Variants in STAT4 observed in about 807,000 individuals in gnomAD.
The protein encoded by STAT4 is signal transducer and activator of transcription 4.
In STAT4, 42 loss-of-function variants were observed where a neutral mutation model predicts 110.5. The observed-to-expected ratio is 0.38, with a 90% CI of 0.30 to 0.49. The LOEUF is 0.49. Ranked by LOEUF, STAT4 falls within the 20% of genes least tolerant of loss-of-function variation. STAT4 has a pLI of 0.95. For missense variants in STAT4, 632 were observed against 887.9 expected, an observed-to-expected ratio of 0.71 and a Z score of 3.66; for synonymous variants, 284 against 302.2, an observed-to-expected ratio of 0.94 and a Z score of 0.63.
In STAT4 at chr2:191,064,878, G is replaced by C; in HGVS notation, c.711C>G (p.Asp237Glu). ...AGGCGATTTGCTGCCGCCGCTTCCA[G>C]TCTTGCAGCTCTTCTATGAGCATGG... The part of the protein sequence containing the change: ...MNTMLIEELQ[D>E]WKRRQQIACI... Residue 237 changes from aspartate (D) to glutamate (E), a missense_variant, in exon 8 of 24, where the codon GAC (aspartate) becomes GAG (glutamate). This residue lies in a region of STAT4 where 488 missense variants were observed against 632.8 expected (regional missense o/e 0.77). Transcript: ENST00000392320. 1 of 1,613,390 alleles carries C rather than the reference G, an allele frequency of 6.2e-7. No homozygotes were observed. Among genetic ancestry groups the C allele is most frequent in the African/African-American group, 1.3e-5 (1 of 74,962 alleles).
Position 191,098,140 on chromosome 2 carries a change from T to C in STAT4, c.274-21815A>G, listed in dbSNP as rs1698058313. 2.0e-5 allele frequency among the ~76,000 whole-genome samples: 3 copies of C among 152,130 alleles called. No homozygotes were observed. In the South Asian group the frequency reaches 6.2e-4, roughly 32 times the overall value. On this transcript the variant is annotated intron_variant, in intron 3 of 23. Coordinates refer to ENST00000392320, the MANE Select transcript of STAT4 (RefSeq NM_003151.4). The stretch of plus-strand genomic sequence containing the variant: ...AGATGCTGGAGAGGATGTGGAGAAA[T>C]AGGAACACTTTTACACTGTTTGTGG...
In STAT4 at chr2:191,030,451, A is replaced by G. The variant is rs1225722200; in HGVS notation, c.2220+521T>C. 6.6e-6 allele frequency among the ~76,000 whole-genome samples: 1 copy of G among 152,244 alleles called. No homozygotes were observed. The highest frequency in any genetic ancestry group is 2.4e-5 in the African/African-American group (1 of 41,466). On this transcript the variant is annotated intron_variant, in intron 23 of 23. Coordinates refer to ENST00000392320, the MANE Select transcript of STAT4 (RefSeq NM_003151.4). This position sits in a 1 kb window ranked among gnomAD's most constrained non-coding sequence, Gnocchi z 4.4. ...ATTTCTCAAAAAGGAGAGCATTATT[A>G]TGCCATTGACTGTTATTCATATATT...
Position 191,032,882 on chromosome 2 carries a change from T to C in STAT4, c.2044+76A>G. On this transcript the variant is annotated intron_variant, in intron 21 of 23. Transcript: ENST00000392320. The surrounding 1 kb of genome is among the most constrained non-coding windows in gnomAD (Gnocchi z 4.9). The stretch of plus-strand genomic sequence containing the variant: ...AGAGTAAACAAGAAGGGGAACTTCA[T>C]TTACTTTGCTCCAATATGAGGTTAT... 1 of 1,417,144 alleles carries C rather than the reference T, an allele frequency of 7.1e-7. No homozygotes were observed. The highest frequency in any genetic ancestry group is 9.6e-7 in the Non-Finnish European group (1 of 1,041,602). 87.8% of individuals were successfully genotyped at this position (1,417,144 alleles called of 1,614,324 possible).
At chr2:191,096,287 G>A (rs1319403712) in intron 3 of STAT4, among the ~76,000 whole-genome samples, 1 of 152,176 alleles carries the variant, frequency 6.6e-6, no homozygotes, top group African/African-American at 2.4e-5. Flanking sequence ...GCATCATCCT[G>A]ATACCAAAGC....
At position 191,099,930 on chromosome 2, in the gene STAT4, T is replaced by A. The variant is rs145898122; in HGVS notation, c.274-23605A>T. Among the ~76,000 whole-genome samples the A allele has an allele frequency of 6.6e-6, 1 of 152,206 alleles. No homozygotes were observed. The highest frequency in any genetic ancestry group is 1.5e-5 in the Non-Finnish European group (1 of 68,030). ...GTTAATAGTGGTTATCTTATTTCAG[T>A]GGAATTTCAGGGGATTTTTTTTCTT... On this transcript the variant is annotated intron_variant, in intron 3 of 23. Coordinates refer to ENST00000392320, the MANE Select transcript of STAT4 (RefSeq NM_003151.4). The surrounding 1 kb of genome is among the most constrained non-coding windows in gnomAD (Gnocchi z 4.1).
Position 191,147,346 on chromosome 2 carries a change from T to C in STAT4, c.129-589A>G, listed in dbSNP as rs1699487357. Among the ~76,000 whole-genome samples, 6 of 152,144 alleles carry C rather than the reference T, an allele frequency of 3.9e-5. No homozygotes were observed. The highest frequency in any genetic ancestry group is 2.0e-4 in the Admixed American group (3 of 15,274). On this transcript the variant is annotated intron_variant, in intron 2 of 23. Transcript: ENST00000392320. This position sits in a 1 kb window ranked among gnomAD's most constrained non-coding sequence, Gnocchi z 4.1. ...TTCAAAAAGGAAGAAAATTCTGATA[T>C]GATACCTGTTAAACATGAATGAATT...
intron 3 of STAT4, among the ~76,000 whole-genome samples, chr2:191,134,328 T>G (rs553940173): frequency 1.3e-5 from 2 of 152,296 alleles, no homozygotes; most frequent in South Asian, 4.1e-4. Flanking sequence ...CCCACACACC[T>G]GCCTGGCCTA....
At chr2:191,133,359 T>C (rs949115317) in intron 3 of STAT4, among the ~76,000 whole-genome samples, 4 of 150,836 alleles carry the variant, frequency 2.7e-5, no homozygotes, top group African/African-American at 4.9e-5. Context: ...GGTCTTCTAA[T>C]GGCAAGAAAA....
chr2:191,044,149 T>C (rs1160704588), intron 14 of STAT4, among the ~76,000 whole-genome samples: 2 of 152,068 alleles, frequency 1.3e-5, no homozygotes, highest in Non-Finnish European at 1.5e-5. Context: ...CAATAGTCTA[T>C]AAAAATGAAT....
Position 191,061,681 on chromosome 2 carries a change from A to G in STAT4, c.1034+48T>C. ...AGAAATTGGCCTTGATCATCCAGAGACTATAGCTCCACAAACACACGAAAT... is the reference window on the plus strand; with the variant it reads ...AGAAATTGGCCTTGATCATCCAGAGGCTATAGCTCCACAAACACACGAAAT... On this transcript the variant is annotated intron_variant, in intron 10 of 23. Transcript: ENST00000392320. This position sits in a 1 kb window ranked among gnomAD's most constrained non-coding sequence, Gnocchi z 6.2. The G allele has an allele frequency of 6.4e-7, 1 of 1,554,170 alleles. No individual in the cohort carries two copies. Among genetic ancestry groups the G allele is most frequent in the Non-Finnish European group, 8.9e-7 (1 of 1,125,616 alleles).
intron 18 of STAT4, among the ~76,000 whole-genome samples, chr2:191,034,217 T>TTGAGACCATCCTGACTAACAC (rs1695979178): frequency 6.6e-6 from 1 of 152,026 alleles, no homozygotes; most frequent in Non-Finnish European, 1.5e-5. Context: ...GGTCAGGAGA[T>TTGAGACCATCCTGACTAACAC]TGAGACCATC....
At chr2:191,074,889 G>T (rs779923547) in intron 4 of STAT4, among the ~76,000 whole-genome samples, 6 of 152,086 alleles carry the variant, frequency 3.9e-5, no homozygotes, top group Non-Finnish European at 7.4e-5. Flanking sequence ...GGCCGGGGGC[G>T]GTGGCTCACA....
intron 4 of STAT4, among the ~76,000 whole-genome samples, chr2:191,073,988 T>C (rs974604300): frequency 6.6e-6 from 1 of 152,172 alleles, no homozygotes; most frequent in African/African-American, 2.4e-5. Flanking sequence ...ATATGTGTAA[T>C]TTTTAAAATG....
intron 3 of STAT4, among the ~76,000 whole-genome samples, chr2:191,080,435 G>A (rs1375797736): frequency 6.6e-6 from 1 of 152,024 alleles, no homozygotes; most frequent in Non-Finnish European, 1.5e-5. Flanking sequence ...AATGTCTTCT[G>A]GGCCATCAAG....
rs2464996 is a variant in STAT4 at position 191,067,031 on chromosome 2, A to C, written c.545-516T>G. Among the ~76,000 whole-genome samples the C allele has an allele frequency of 3.3e-3, 499 of 151,124 alleles. 3 individuals carry two copies. The highest frequency in any genetic ancestry group is 0.011 in the African/African-American group (464 of 41,256). On this transcript the variant is annotated intron_variant, in intron 6 of 23. Transcript: ENST00000392320. ...TAGTCTCATGAACTAATAAAGACTAAGTTCTTTACTTTCCCCCACTTTTTT... is the reference window on the plus strand; with the variant it reads ...TAGTCTCATGAACTAATAAAGACTACGTTCTTTACTTTCCCCCACTTTTTT...
At chr2:191,127,304 T>C (rs1411962525) in intron 3 of STAT4, among the ~76,000 whole-genome samples, 2 of 152,222 alleles carry the variant, frequency 1.3e-5, no homozygotes, top group African/African-American at 4.8e-5. Context: ...AGATCTTCGC[T>C]TAAAGTGCCT....
intron 4 of STAT4, among the ~76,000 whole-genome samples, chr2:191,073,981 T>C (rs947367916): frequency 5.9e-5 from 9 of 152,218 alleles, no homozygotes; most frequent in Non-Finnish European, 1.0e-4. Flanking sequence ...AAAACCAATA[T>C]GTGTAATTTT....
Position 191,142,622 on chromosome 2 carries a change from C to T in STAT4, c.273+3991G>A, listed in dbSNP as rs1699366112. 6.6e-6 allele frequency among the ~76,000 whole-genome samples: 1 copy of T among 152,120 alleles called. No homozygotes were observed. Among genetic ancestry groups the T allele is most frequent in the Non-Finnish European group, 1.5e-5 (1 of 68,026 alleles). ...AAGAATGGGTTTGAAATGTTTCCAA[C>T]ATAGAAATGATAAATTCAAAGATGA... is the stretch of plus-strand genomic sequence containing the variant. On this transcript the variant is annotated intron_variant, in intron 3 of 23. Transcript: ENST00000392320. The surrounding 1 kb of genome is among the most constrained non-coding windows in gnomAD (Gnocchi z 4.1).
chr2:191,094,722 T>C (rs542737571), intron 3 of STAT4, among the ~76,000 whole-genome samples: 1 of 151,970 alleles, frequency 6.6e-6, no homozygotes, highest in African/African-American at 2.4e-5. Context: ...AATGACAGGA[T>C]CAAACTCACA....
Sources: allele counts gnomAD v4.1 joint callset (sites outside exome capture counted in the v4.1 genomes callset), GRCh38; gene constraint gnomAD v4.1.1; regional missense constraint gnomAD v4.1.1; non-coding constraint Gnocchi (gnomAD v3.1); transcripts MANE v1.5; gene names NCBI Gene and HGNC (gene_info 2026-07-23, HGNC 2026-07-21).